TSSC4: variants seen among roughly 807,000 people sequenced by gnomAD.
The protein encoded by TSSC4 is tumor suppressing subtransferable candidate 4.
For missense variants in TSSC4, 500 were observed against 443.9 expected, an observed-to-expected ratio of 1.13 and a Z score of -1.14; for synonymous variants, 259 against 197.9, an observed-to-expected ratio of 1.31 and a Z score of -2.59.
Position 2,402,708 on chromosome 11 carries a change from T to C in TSSC4, c.75T>C (p.Pro25=). ...GEHGTEYDTL[P]SDTVSLSDSD... is the part of the protein sequence containing the mutation. ...ACGGGACGGAGTATGACACGCTGCC[T>C]TCCGACACAGTCTCCCTCAGTGACT... The change falls in exon 3 of 3, where the codon CCT becomes CCC. Residue 25 remains proline (P), a synonymous_variant. Transcript: ENST00000333256. 5 of 1,579,162 alleles carry C rather than the reference T, an allele frequency of 3.2e-6. No homozygotes were observed. The highest frequency in any genetic ancestry group is 3.4e-6 in the Non-Finnish European group (4 of 1,162,268).
At position 2,403,684 on chromosome 11, in the gene TSSC4, G is replaced by A; in HGVS notation, c.*61G>A. 1 of 1,441,234 alleles carries A rather than the reference G, an allele frequency of 6.9e-7. No homozygotes were observed. Among genetic ancestry groups the A allele is most frequent in the Non-Finnish European group, 9.1e-7 (1 of 1,093,852 alleles). 89.3% of individuals were successfully genotyped at this position (1,441,234 alleles called of 1,614,324 possible). A position where few individuals can be genotyped will look rare whatever the true frequency, so the allele number is the denominator to read the frequency against. ...GCCATCCTGCTGCCTTCCCAGTGGG[G>A]CTGGTCAGGGGGCAGCCTGGCCACT... is the stretch of plus-strand genomic sequence containing the variant. On this transcript the variant is annotated 3_prime_UTR_variant, in exon 3 of 3. Transcript: ENST00000333256.
chr11:2,403,561 C>G lies in TSSC4; in HGVS notation c.928C>G (p.Arg310Gly). 1 of 1,570,314 alleles carries G rather than the reference C, an allele frequency of 6.4e-7. No individual in the cohort carries two copies. The highest frequency in any genetic ancestry group is 1.2e-5 in the South Asian group (1 of 83,576). ...TGTTGGCTTCCATGGCAGCAGGAAG[C>G]GGAGTCGAGACCACTTCCGGAACAA... is the stretch of plus-strand genomic sequence containing the variant. Reference protein sequence around the residue: ...ETVGFHGSRKRSRDHFRNKSS... With the variant: ...ETVGFHGSRKGSRDHFRNKSS... Residue 310 changes from arginine to glycine, a missense_variant, in exon 3 of 3, where the codon CGG (arginine) becomes GGG (glycine). Coordinates refer to ENST00000333256, the MANE Select transcript of TSSC4 (RefSeq NM_005706.4).
At chr11:2,401,350 T>C (rs893075932) in intron 1 of TSSC4, 3 of 152,292 alleles carry the variant, frequency 2.0e-5, no homozygotes, top group African/African-American at 7.2e-5. Flanking sequence ...TGCAACATAC[T>C]GTGTGACTTG....
Position 2,403,773 on chromosome 11 carries a change from G to A in TSSC4, c.*150G>A. The A allele has an allele frequency of 2.6e-6, 2 of 778,144 alleles. No individual in the cohort carries two copies. Among genetic ancestry groups the A allele is most frequent in the Non-Finnish European group, 3.8e-6 (2 of 523,568 alleles). 48.2% of individuals were successfully genotyped at this position (778,144 alleles called of 1,614,324 possible). A position where few individuals can be genotyped will look rare whatever the true frequency, so the allele number is the denominator to read the frequency against. ...GTGGCCCTGGCTGCAGTTCTGGGCA[G>A]CATCCTCCCAAGCAGAGACCTTGCT... On this transcript the variant is annotated 3_prime_UTR_variant, in exon 3 of 3. Coordinates refer to ENST00000333256, the MANE Select transcript of TSSC4 (RefSeq NM_005706.4).
At position 2,403,215 on chromosome 11, in the gene TSSC4, C is replaced by G. The variant is rs149800481; in HGVS notation, c.582C>G (p.Pro194=). The G allele has an allele frequency of 4.3e-6, 7 of 1,612,834 alleles. No individual in the cohort carries two copies. In the African/African-American group the frequency reaches 6.7e-5, roughly 15 times the overall value. Residue 194 remains proline, a synonymous_variant, in exon 3 of 3, where the codon CCC becomes CCG. Transcript: ENST00000333256. ...AFLGSQSLAA[P]TDCVSSFNQD... is the part of the protein sequence containing the mutation. ...TGGGCTCCCAGAGCCTGGCTGCCCC[C>G]ACTGACTGCGTGTCCTCCTTCAACC... is the stretch of plus-strand genomic sequence containing the variant.
Sources: gnomAD v4.1 joint callset for allele counts on GRCh38, gnomAD v4.1.1 for gene constraint, MANE v1.5 for transcripts, NCBI Gene and HGNC (gene_info 2026-07-23, HGNC 2026-07-21) for gene names.